ROBO2: variants seen among roughly 807,000 people sequenced by gnomAD.
The protein encoded by ROBO2 is roundabout homolog 2.
Under a neutral mutation model 160.8 loss-of-function variants are expected in ROBO2, and 53 were observed. The ratio of observed to expected loss-of-function variants is 0.33; its 90% CI spans 0.26 to 0.41. The LOEUF (loss-of-function observed/expected upper bound fraction) is 0.41, where lower values mean the gene tolerates loss of function less well. Ranked by LOEUF, ROBO2 falls within the 10% of genes least tolerant of loss-of-function variation. The pLI is 1.00. For missense variants in ROBO2, 1,577 were observed against 1,722.4 expected (o/e 0.92, Z 1.49); for synonymous variants, 664 against 611.7 (o/e 1.09, Z -1.26).
chr3:76,079,452 AATTT>A (rs1020515526), intron 2 of ROBO2, among the ~76,000 whole-genome samples: 50 of 150,294 alleles, frequency 3.3e-4, no homozygotes, highest in African/African-American at 1.0e-3. Flanking sequence ...AAACATTGAA[AATTT>A]ATTTATTTAT....
intron 5 of ROBO2, among the ~76,000 whole-genome samples, chr3:77,508,729 G>A (rs1291931350): frequency 1.3e-5 from 2 of 151,894 alleles, no homozygotes; most frequent in African/African-American, 4.8e-5. Flanking sequence ...TGATATAAAT[G>A]AAGGGTTTAT....
chr3:76,587,992 C>CAGAGTTGTTGGAATGA (rs891816135), intron 2 of ROBO2, among the ~76,000 whole-genome samples: 15 of 152,106 alleles, frequency 9.9e-5, no homozygotes, highest in Admixed American at 3.9e-4. Context: ...ATTTACTTCA[C>CAGAGTTGTTGGAATGA]AGAGTTGTTG....
chr3:76,225,183 G>A (rs895313047), intron 2 of ROBO2, among the ~76,000 whole-genome samples: 2 of 152,118 alleles, frequency 1.3e-5, no homozygotes, highest in African/African-American at 4.8e-5. Flanking sequence ...AACAAAAACA[G>A]TGGGGGCTGT....
chr3:76,803,129 A>C (rs534270363), intron 2 of ROBO2, among the ~76,000 whole-genome samples: 160 of 152,288 alleles, frequency 1.1e-3, no homozygotes, highest in African/African-American at 3.5e-3. Context: ...TCAATAGTAA[A>C]TATTAGTCAT....
intron 2 of ROBO2, among the ~76,000 whole-genome samples, chr3:76,744,947 T>C (rs1262653831): frequency 6.6e-6 from 1 of 152,186 alleles, no homozygotes; most frequent in Admixed American, 6.5e-5. Context: ...ATTTATTGTA[T>C]ACTTACTTTT....
At chr3:76,477,932 T>C (rs2079011227) in intron 2 of ROBO2, among the ~76,000 whole-genome samples, 2 of 152,028 alleles carry the variant, frequency 1.3e-5, no homozygotes, top group Admixed American at 1.3e-4. Flanking sequence ...AATTTTCCTC[T>C]CACAATGAAT....
chr3:75,983,463 G>A (rs1277210431), intron 2 of ROBO2, among the ~76,000 whole-genome samples: 1 of 151,244 alleles, frequency 6.6e-6, no homozygotes, highest in South Asian at 2.1e-4. Context: ...TGTGGTGTAC[G>A]TTTCTCTTTA....
chr3:76,569,224 T>A (rs1282330916), intron 2 of ROBO2, among the ~76,000 whole-genome samples: 1 of 152,124 alleles, frequency 6.6e-6, no homozygotes. Context: ...GGGCCAATTG[T>A]GTTTCAGTTC....
At chr3:76,313,971 G>A (rs1315073590) in intron 2 of ROBO2, among the ~76,000 whole-genome samples, 5 of 152,122 alleles carry the variant, frequency 3.3e-5, no homozygotes, top group Admixed American at 6.5e-5. Flanking sequence ...CGAGCAGCAC[G>A]TAGCCAGACA....
At chr3:77,600,060 A>G (rs756490237) in intron 19 of ROBO2, among the ~76,000 whole-genome samples, 9 of 152,218 alleles carry the variant, frequency 5.9e-5, no homozygotes, top group Non-Finnish European at 8.8e-5. Context: ...GGTTTCAAAC[A>G]TAAGTGTTAA....
At chr3:76,223,262 G>T (rs1417273383) in intron 2 of ROBO2, among the ~76,000 whole-genome samples, 3 of 151,984 alleles carry the variant, frequency 2.0e-5, no homozygotes, top group African/African-American at 7.2e-5. Context: ...ATCCTGAAGA[G>T]AATCAGCATT....
At chr3:77,522,690 TA>T in intron 5 of ROBO2, 84 bp from the exon 6 acceptor site, 3 of 1,431,442 alleles carry the variant, frequency 2.1e-6, no homozygotes, top group Non-Finnish European at 9.7e-7. Flanking sequence ...AAATACAGTA[TA>T]AAAAGAAAAA....
At chr3:76,207,370 C>T (rs1427464265) in intron 2 of ROBO2, among the ~76,000 whole-genome samples, 1 of 152,058 alleles carries the variant, frequency 6.6e-6, no homozygotes, top group Non-Finnish European at 1.5e-5. Context: ...CCTGGACAAT[C>T]TTGGAAGTAT....
chr3:77,465,399 A>G (rs546331786), intron 2 of ROBO2, among the ~76,000 whole-genome samples: 97 of 152,152 alleles, frequency 6.4e-4, no homozygotes, highest in Non-Finnish European at 9.6e-4. Flanking sequence ...GGAAATGGCT[A>G]TGATTATTTT....
rs1381070543 is a variant in ROBO2 at position 75,918,221 on chromosome 3, C to T, written c.-14+11261C>T. 9.9e-5 allele frequency among the ~76,000 whole-genome samples: 15 copies of T among 152,130 alleles called. No homozygotes were observed. In the Middle Eastern group the frequency reaches 0.014, roughly 138 times the overall value. ...GAGTTAATTCTTTTATAAGGTGTAA[C>T]GAAGGGGTCCAGTTTCTCTTTTCTG... On this transcript the variant is annotated intron_variant, in intron 1 of 26. Coordinates refer to the ROBO2 transcript ENST00000487694.
chr3:76,740,609 A>G (rs1195171972), intron 2 of ROBO2, among the ~76,000 whole-genome samples: 1 of 152,136 alleles, frequency 6.6e-6, no homozygotes, highest in Admixed American at 6.6e-5. Context: ...TTGATGACTA[A>G]TGGATGTTAA....
intron 2 of ROBO2, among the ~76,000 whole-genome samples, chr3:76,111,542 A>G (rs1275145566): frequency 6.6e-6 from 1 of 152,044 alleles, no homozygotes; most frequent in Non-Finnish European, 1.5e-5. Context: ...CCAGTGCCAG[A>G]ATTTTCTCCA....
chr3:77,345,664 T>G (rs1393947189), intron 2 of ROBO2, among the ~76,000 whole-genome samples: 2 of 152,162 alleles, frequency 1.3e-5, no homozygotes, highest in Non-Finnish European at 2.9e-5. Flanking sequence ...ATGTCTTTCT[T>G]CTGATTAGGC....
At chr3:77,166,801 C>T (rs374339260) in intron 2 of ROBO2, among the ~76,000 whole-genome samples, 4 of 152,138 alleles carry the variant, frequency 2.6e-5, no homozygotes, top group East Asian at 3.9e-4. Context: ...CCTCGTGATC[C>T]GCCTGCATCG....
Sources: gnomAD v4.1 joint callset for allele counts (sites outside exome capture counted in the v4.1 genomes callset) on GRCh38, gnomAD v4.1.1 for gene constraint, MANE v1.5 for transcripts, NCBI Gene and HGNC (gene_info 2026-07-23, HGNC 2026-07-21) for gene names.